Variants in PCDH11Y observed in about 807,000 individuals in gnomAD.
PCDH11Y encodes the protein protocadherin 11 Y-linked, also known as protocadherin-11 Y-linked.
For missense variants in PCDH11Y, 12 were observed against 224.8 expected, an observed-to-expected ratio of 0.05 and a Z score of 6.05; for synonymous variants, 9 against 83.6, an observed-to-expected ratio of 0.11 and a Z score of 4.87.
chrY:5,711,793 A>G (rs2053586810), intron 4 of PCDH11Y, among the ~76,000 whole-genome samples: 4 of 33,346 alleles, frequency 1.2e-4, no homozygotes, highest in Admixed American at 2.7e-4. Context: ...CTGTCTCAGA[A>G]AACAACAACA....
At chrY:5,426,382 G>T in intron 2 of PCDH11Y, among the ~76,000 whole-genome samples, 1 of 32,673 alleles carries the variant, frequency 3.1e-5, no homozygotes, top group Non-Finnish European at 7.6e-5. Flanking sequence ...TTTTCCATTG[G>T]TGGTAATGAA....
chrY:5,275,972 A>G (rs2053044036), intron 2 of PCDH11Y, among the ~76,000 whole-genome samples: 1 of 33,296 alleles, frequency 3.0e-5, no homozygotes, highest in African/African-American at 1.2e-4. Flanking sequence ...TGATATGAGC[A>G]GTGATATAGC....
chrY:5,515,907 A>G, intron 3 of PCDH11Y, among the ~76,000 whole-genome samples: 1 of 33,782 alleles, frequency 3.0e-5, no homozygotes, highest in South Asian at 6.6e-4. Flanking sequence ...CACCGTATAC[A>G]AAAATCAACA....
chrY:5,333,420 T>G, intron 2 of PCDH11Y, among the ~76,000 whole-genome samples: 12 of 33,580 alleles, frequency 3.6e-4, no homozygotes, highest in Non-Finnish European at 6.6e-4. Flanking sequence ...ATAAGTTTTG[T>G]AATACTGTAA....
intron 2 of PCDH11Y, among the ~76,000 whole-genome samples, chrY:5,496,709 A>G: frequency 3.2e-5 from 1 of 31,033 alleles, no homozygotes; most frequent in Non-Finnish European, 7.7e-5. Flanking sequence ...GGTTTTTTAC[A>G]TAAGTATACA....
At chrY:5,121,268 C>T in intron 2 of PCDH11Y, among the ~76,000 whole-genome samples, 4 of 29,540 alleles carry the variant, frequency 1.4e-4, no homozygotes, top group Non-Finnish European at 2.4e-4. Flanking sequence ...GAAGCGAGTT[C>T]GAGTCCCCAA....
chrY:5,208,867 A>G (rs2052935503), intron 2 of PCDH11Y, among the ~76,000 whole-genome samples: 2 of 31,022 alleles, frequency 6.4e-5, no homozygotes, highest in East Asian at 8.3e-4. Context: ...TATTAGTTTA[A>G]TCTCTTTAAG....
At chrY:5,357,253 A>G (rs1602910716) in intron 2 of PCDH11Y, among the ~76,000 whole-genome samples, 6 of 18,459 alleles carry the variant, frequency 3.3e-4, no homozygotes, top group Admixed American at 1.5e-3. Flanking sequence ...ATATATACGT[A>G]TATATATATA....
chrY:5,541,728 TTTCTTTCTTTCTTTC>T (rs2053407032), intron 3 of PCDH11Y, among the ~76,000 whole-genome samples: 2 of 24,368 alleles, frequency 8.2e-5, no homozygotes, highest in African/African-American at 1.6e-4. Context: ...TCTTTCTTTC[TTTCTTTCTTTCTTTC>T]TTTCTTTCTT....
intron 2 of PCDH11Y, among the ~76,000 whole-genome samples, chrY:5,124,286 G>A (rs2124640409): frequency 4.6e-4 from 15 of 32,837 alleles, no homozygotes; most frequent in South Asian, 1.4e-3. Context: ...CTGCTCAAAC[G>A]GGAATGTTAC....
chrY:5,299,826 G>A (rs1424170239), intron 2 of PCDH11Y, among the ~76,000 whole-genome samples: 12 of 31,838 alleles, frequency 3.8e-4, no homozygotes, highest in Non-Finnish European at 8.4e-4. Flanking sequence ...TGGTATTTCC[G>A]TAGGTCAGTG....
At chrY:5,634,565 T>C in intron 4 of PCDH11Y, 1 of 65,707 alleles carries the variant, frequency 1.5e-5, no homozygotes, top group Non-Finnish European at 3.0e-5. Flanking sequence ...TGCTCATAGA[T>C]CTCAAGGAAG....
chrY:5,541,736 TTTCTTTC>T (rs2053407177), intron 3 of PCDH11Y, among the ~76,000 whole-genome samples: 15 of 25,764 alleles, frequency 5.8e-4, no homozygotes, highest in Admixed American at 1.2e-3. Context: ...TCTTTCTTTC[TTTCTTTC>T]TTTCTTTCTT....
chrY:5,486,885 G>A, intron 2 of PCDH11Y, among the ~76,000 whole-genome samples: 1 of 21,193 alleles, frequency 4.7e-5, no homozygotes, highest in Non-Finnish European at 1.0e-4. Context: ...GAGTAGCTAG[G>A]ACTACAGGTA....
chrY:5,009,672 G>T, intron 1 of PCDH11Y, among the ~76,000 whole-genome samples: 1 of 33,950 alleles, frequency 2.9e-5, no homozygotes, highest in East Asian at 7.8e-4. Context: ...GCAAACGTAG[G>T]CAGGAAAATT....
chrY:5,724,572 G>C, intron 4 of PCDH11Y, among the ~76,000 whole-genome samples: 2 of 33,402 alleles, frequency 6.0e-5, no homozygotes, highest in African/African-American at 2.3e-4. Flanking sequence ...TGCAAAGAAA[G>C]AAGTAGAATT....
intron 4 of PCDH11Y, among the ~76,000 whole-genome samples, chrY:5,587,806 T>C (rs1602947081): frequency 4.3e-4 from 14 of 32,351 alleles, no homozygotes; most frequent in Admixed American, 1.4e-3. Context: ...TTATTTGCAA[T>C]GTATGAGTGC....
rs1361944962 is a variant in PCDH11Y, at chrY:5,251,084, A to G, written c.3129+150377A>G. Among the ~76,000 whole-genome samples the G allele has an allele frequency of 8.9e-5, 3 of 33,628 alleles. No homozygotes were observed. In the South Asian group the frequency reaches 2.0e-3, roughly 22 times the overall value. 90.2% of individuals were successfully genotyped at this position (33,628 alleles called of 37,273 possible). A position where few individuals can be genotyped will look rare whatever the true frequency, so the allele number is the denominator to read the frequency against. ...AAGACTCAAGGAACACTCATTATCC[A>G]TTCTTAAGAGAAAATGATAGGGGTT... is the stretch of plus-strand genomic sequence containing the variant. On this transcript the variant is annotated intron_variant, in intron 2 of 4. Coordinates refer to the PCDH11Y transcript ENST00000400457.
intron 2 of PCDH11Y, among the ~76,000 whole-genome samples, chrY:5,149,573 AACACACACACACAC>A (rs368668672): frequency 1.1e-4 from 2 of 17,859 alleles, no homozygotes; most frequent in South Asian, 1.4e-3. Context: ...CACACACACA[AACACACACACACAC>A]ACACACACAC....
Sources: allele counts gnomAD v4.1 joint callset (sites outside exome capture counted in the v4.1 genomes callset), GRCh38; gene constraint gnomAD v4.1.1; transcripts MANE v1.5; gene names NCBI Gene and HGNC (gene_info 2026-07-23, HGNC 2026-07-21).